Variants in ATAD2B observed in about 807,000 individuals in gnomAD.
The protein encoded by ATAD2B is ATPase family AAA domain-containing protein 2B.
In ATAD2B, 40 loss-of-function variants were observed where a neutral mutation model predicts 167.6. The observed-to-expected ratio is 0.24, with a 90% confidence interval of 0.19 to 0.31. The LOEUF (loss-of-function observed/expected upper bound fraction) is 0.31. Among genes scored for constraint, ATAD2B ranks in the 10% least tolerant of loss-of-function variants. The probability of loss-of-function intolerance (pLI) is 1.00; values close to 1 mark genes in which losing one functional copy is unlikely to be tolerated. For missense variants in ATAD2B, 1,242 were observed against 1,757.2 expected (o/e 0.71, Z 5.24); for synonymous variants, 579 against 596.5 (o/e 0.97, Z 0.43).
chr2:23,745,367 A>AGG (rs1215808045), downstream of ATAD2B, among the ~76,000 whole-genome samples: 86 of 132,360 alleles, frequency 6.5e-4, 2 homozygotes, highest in East Asian at 8.7e-4. Context: ...GAAGGAAGGA[A>AGG]AGAAGGAAGG....
chr2:23,819,476 G>A (rs574366198), intron 17 of ATAD2B, among the ~76,000 whole-genome samples: 1 of 141,980 alleles, frequency 7.0e-6, no homozygotes, highest in South Asian at 2.3e-4. Context: ...GGGTGACAGA[G>A]TGAGACTCTG....
chr2:23,751,760 A>T lies in ATAD2B; in HGVS notation c.*286T>A, dbSNP rs1002076844. Reference sequence around the variant, plus strand: ...AAAGAGAGTGCACAAAAAGAGGAGCAGAAGCGAGAGCAGTTTCTGTAGCAC... The same window carrying T: ...AAAGAGAGTGCACAAAAAGAGGAGCTGAAGCGAGAGCAGTTTCTGTAGCAC... On this transcript the variant is annotated 3_prime_UTR_variant, in exon 28 of 28. Coordinates refer to ENST00000238789, the MANE Select transcript of ATAD2B (RefSeq NM_017552.4). 7 of 421,160 alleles carry T rather than the reference A, an allele frequency of 1.7e-5. No individual in the cohort carries two copies. The highest frequency in any genetic ancestry group is 3.0e-5 in the Non-Finnish European group (7 of 235,854). The allele number at this position is 421,160 out of a possible 1,614,324, so 26.1% of individuals were successfully genotyped here. A position where few individuals can be genotyped will look rare whatever the true frequency, so the allele number is the denominator to read the frequency against.
chr2:23,827,246 A>C (rs1364284855), intron 15 of ATAD2B, among the ~76,000 whole-genome samples: 2 of 152,174 alleles, frequency 1.3e-5, no homozygotes, highest in Non-Finnish European at 2.9e-5. Flanking sequence ...GAGGGAAAAA[A>C]GGTAAGAGAA....
chr2:23,711,342 C>CTTTTTTTTTTT, the ATAD2B span, among the ~76,000 whole-genome samples: 5 of 79,792 alleles, frequency 6.3e-5, no homozygotes, highest in African/African-American at 1.5e-4. Flanking sequence ...GAATTTCTTT[C>CTTTTTTTTTTT]TTTTTTTTTT....
chr2:23,755,563 C>T (rs1362352850), intron 25 of ATAD2B, among the ~76,000 whole-genome samples: 3 of 152,100 alleles, frequency 2.0e-5, no homozygotes, highest in Admixed American at 6.6e-5. Context: ...GGAAGGAACA[C>T]AAAGACAAAC....
intron 1 of ATAD2B, among the ~76,000 whole-genome samples, chr2:23,919,941 A>G (rs1703663872): frequency 6.6e-6 from 1 of 152,132 alleles, no homozygotes; most frequent in Non-Finnish European, 1.5e-5. Flanking sequence ...ACCTGAGGTC[A>G]GGATTTCAAG....
chr2:23,710,663 C>T, the ATAD2B span, among the ~76,000 whole-genome samples: 4 of 152,016 alleles, frequency 2.6e-5, no homozygotes, highest in African/African-American at 7.3e-5. Flanking sequence ...TTCAACCAAC[C>T]GTGCATGGAA....
intron 8 of ATAD2B, among the ~76,000 whole-genome samples, chr2:23,870,915 ATACT>A (rs1292506278): frequency 6.6e-6 from 1 of 152,152 alleles, no homozygotes; most frequent in Non-Finnish European, 1.5e-5. Flanking sequence ...AGGAAAAATA[ATACT>A]TAATGAATGC....
intron 22 of ATAD2B, among the ~76,000 whole-genome samples, chr2:23,772,264 G>A (rs111473394): frequency 1.0e-3 from 156 of 152,194 alleles, no homozygotes; most frequent in African/African-American, 3.5e-3. Flanking sequence ...TTTAATAGTT[G>A]TGCAACAATC....
chr2:23,857,611 A>G (rs371943618), intron 12 of ATAD2B, 108 bp from the exon 13 acceptor site: 12 of 489,496 alleles, frequency 2.5e-5, no homozygotes, highest in East Asian at 1.6e-4. Context: ...TGCAGCAGGT[A>G]TGAAGGAGTA....
At chr2:23,780,745 C>G (rs912650581) in intron 22 of ATAD2B, among the ~76,000 whole-genome samples, 1 of 151,960 alleles carries the variant, frequency 6.6e-6, no homozygotes, top group African/African-American at 2.4e-5. Flanking sequence ...ACTAAAAATG[C>G]AAAAATTAGC....
At chr2:23,795,047 T>A (rs1040396200) in intron 19 of ATAD2B, among the ~76,000 whole-genome samples, 2 of 152,202 alleles carry the variant, frequency 1.3e-5, no homozygotes, top group Admixed American at 6.5e-5. Flanking sequence ...TTTGGGGTTT[T>A]CTTCTATTTT....
chr2:23,875,325 T>G (rs930758081), intron 8 of ATAD2B, among the ~76,000 whole-genome samples: 1 of 151,524 alleles, frequency 6.6e-6, no homozygotes, highest in African/African-American at 2.4e-5. Context: ...CATGGTGAAA[T>G]TCTATCTCTA....
the ATAD2B span, among the ~76,000 whole-genome samples, chr2:23,678,831 T>C: frequency 6.6e-6 from 1 of 152,182 alleles, no homozygotes; most frequent in Admixed American, 6.5e-5. Flanking sequence ...TATTGCATAA[T>C]TCCACTTATA....
chr2:23,765,144 T>A (rs1558500111), intron 23 of ATAD2B, among the ~76,000 whole-genome samples: 1 of 152,220 alleles, frequency 6.6e-6, no homozygotes, highest in African/African-American at 2.4e-5. Context: ...GGAAAAACAG[T>A]ATACCTAAAC....
At chr2:23,744,388 T>C (rs1485352915), downstream of ATAD2B, among the ~76,000 whole-genome samples, 5 of 152,164 alleles carry the variant, frequency 3.3e-5, no homozygotes, top group Admixed American at 2.0e-4. Flanking sequence ...TACATGTGTT[T>C]CTGACTTTAA....
chr2:23,776,529 GAGT>G (rs1679160320), intron 22 of ATAD2B, among the ~76,000 whole-genome samples: 1 of 152,210 alleles, frequency 6.6e-6, no homozygotes, highest in Admixed American at 6.5e-5. Flanking sequence ...TTGAGTCAGT[GAGT>G]AGAGAAGCAA....
chr2:23,762,065 C>T (rs967859607), intron 24 of ATAD2B, 144 bp downstream of exon 24: 3 of 710,252 alleles, frequency 4.2e-6, no homozygotes, highest in South Asian at 5.8e-5. Flanking sequence ...TCAGCATTTA[C>T]CTCACAAGCT....
At chr2:23,836,078 G>A (rs1364289476) in intron 13 of ATAD2B, among the ~76,000 whole-genome samples, 2 of 151,826 alleles carry the variant, frequency 1.3e-5, no homozygotes, top group Admixed American at 6.6e-5. Flanking sequence ...CCACCCACTC[G>A]ACCTGACTGC....
Sources: gnomAD v4.1 joint callset for allele counts (sites outside exome capture counted in the v4.1 genomes callset) on GRCh38, gnomAD v4.1.1 for gene constraint, MANE v1.5 for transcripts, NCBI Gene and HGNC (gene_info 2026-07-23, HGNC 2026-07-21) for gene names.